CDK19: variants seen among roughly 807,000 people sequenced by gnomAD.
CDK19 encodes the protein cyclin dependent kinase 19.
CDK19 carries 20 observed loss-of-function variants against 68.3 expected under a neutral mutation model. The observed-to-expected ratio is 0.29, with a 90% CI of 0.21 to 0.43. The LOEUF (loss-of-function observed/expected upper bound fraction) is 0.43. Among genes scored for constraint, CDK19 ranks in the 20% least tolerant of loss-of-function variants. The pLI is 1.00. For missense variants in CDK19, 339 were observed against 623.5 expected (o/e 0.54, Z 4.86); for synonymous variants, 221 against 222.8 (o/e 0.99, Z 0.07).
At chr6:110,769,380 C>G (rs917744651) in intron 1 of CDK19, among the ~76,000 whole-genome samples, 1 of 151,320 alleles carries the variant, frequency 6.6e-6, no homozygotes, top group South Asian at 2.1e-4. Context: ...GCCTGGCCAC[C>G]ATGGTGAAAC....
At chr6:110,646,797 G>C (rs1780621624) in intron 4 of CDK19, among the ~76,000 whole-genome samples, 1 of 151,982 alleles carries the variant, frequency 6.6e-6, no homozygotes, top group African/African-American at 2.4e-5. Flanking sequence ...GTGGGGTGGC[G>C]GGCAAACCTT....
chr6:110,795,994 A>G (rs1781911842), intron 1 of CDK19, among the ~76,000 whole-genome samples: 1 of 152,228 alleles, frequency 6.6e-6, no homozygotes, highest in African/African-American at 2.4e-5. Flanking sequence ...ATAATTAGGT[A>G]AAGTAATTTA....
chr6:110,753,692 A>G, intron 1 of CDK19, among the ~76,000 whole-genome samples: 1 of 151,968 alleles, frequency 6.6e-6, no homozygotes, highest in African/African-American at 2.4e-5. Flanking sequence ...GGCTTAGAAT[A>G]ATGTTTTAAT....
At chr6:110,741,625 C>G (rs1001033830) in intron 2 of CDK19, among the ~76,000 whole-genome samples, 2 of 151,236 alleles carry the variant, frequency 1.3e-5, no homozygotes, top group East Asian at 3.9e-4. Flanking sequence ...ACTGTCAAAG[C>G]CAAAGACAAA....
At chr6:110,696,823 G>A (rs1215917497) in intron 2 of CDK19, among the ~76,000 whole-genome samples, 2 of 152,140 alleles carry the variant, frequency 1.3e-5, no homozygotes, top group African/African-American at 4.8e-5. Flanking sequence ...TTGGGAGGCT[G>A]AGGGTGGGGC....
intron 5 of CDK19, among the ~76,000 whole-genome samples, chr6:110,636,600 T>G (rs879862133): frequency 1.3e-5 from 2 of 152,134 alleles, no homozygotes; most frequent in African/African-American, 4.8e-5. Flanking sequence ...TTTGGTAAAG[T>G]AGAGGTCACA....
chr6:110,731,764 A>C (rs1035340230), intron 2 of CDK19, among the ~76,000 whole-genome samples: 3 of 152,180 alleles, frequency 2.0e-5, no homozygotes, highest in Admixed American at 2.0e-4. Context: ...AAACCATTCA[A>C]TCTATCCTAT....
intron 2 of CDK19, among the ~76,000 whole-genome samples, chr6:110,700,193 T>C (rs971849086): frequency 6.6e-6 from 1 of 152,222 alleles, no homozygotes; most frequent in Non-Finnish European, 1.5e-5. Context: ...GATAGAATCA[T>C]CTTGTTGCAG....
At chr6:110,720,731 G>C (rs1775803783) in intron 2 of CDK19, among the ~76,000 whole-genome samples, 1 of 151,890 alleles carries the variant, frequency 6.6e-6, no homozygotes, top group Non-Finnish European at 1.5e-5. Context: ...GCAGGGTGTG[G>C]TGGTGCACAC....
intron 1 of CDK19, chr6:110,813,060 T>A (rs1190819069): frequency 6.6e-6 from 1 of 151,390 alleles, no homozygotes; most frequent in African/African-American, 2.4e-5. Flanking sequence ...TTTTTTTTTT[T>A]AGAAAAAAAG....
Position 110,815,400 on chromosome 6 carries a change from C to A in CDK19, c.-264G>T. 6.1e-6 allele frequency: 2 copies of A among 326,770 alleles called. No individual in the cohort carries two copies. The highest frequency in any genetic ancestry group is 9.1e-5 in the South Asian group (1 of 10,984). 20.2% of individuals were successfully genotyped at this position (326,770 alleles called of 1,614,324 possible). A position where few individuals can be genotyped will look rare whatever the true frequency, so the allele number is the denominator to read the frequency against. On this transcript the variant is annotated 5_prime_UTR_variant, in exon 1 of 13. The change creates a premature stop within an existing upstream ORF in the 5' untranslated region. Coordinates refer to ENST00000368911, the MANE Select transcript of CDK19 (RefSeq NM_015076.5). ...CAGGCACCCCCAGTCCCGCCTCCCTCCTTCATTTCCTTGTTTTGGAACCTG... is the reference window on the plus strand; with the variant it reads ...CAGGCACCCCCAGTCCCGCCTCCCTACTTCATTTCCTTGTTTTGGAACCTG...
At chr6:110,804,791 TA>T (rs1390654567) in intron 1 of CDK19, among the ~76,000 whole-genome samples, 1 of 151,030 alleles carries the variant, frequency 6.6e-6, no homozygotes, top group African/African-American at 2.4e-5. Context: ...CCGTCGCTAC[TA>T]AAAATACAAA....
Position 110,626,817 on chromosome 6 carries a change from C to T in CDK19, c.819G>A (p.Met273Ile). 6.3e-7 allele frequency: 1 copy of T among 1,581,202 alleles called. No individual in the cohort carries two copies. Among genetic ancestry groups the T allele is most frequent in the Non-Finnish European group, 8.6e-7 (1 of 1,158,574 alleles). The change falls in exon 8 of 13, where the codon ATG (methionine) becomes ATA (isoleucine). Residue 273 changes from methionine (M) to isoleucine (I), a missense_variant. By Grantham distance (10) the Met-to-Ile change is conservative. This residue lies in a region of CDK19 where 63 missense variants were observed against 156.5 expected (regional missense o/e 0.40). Coordinates refer to ENST00000368911, the MANE Select transcript of CDK19 (RefSeq NM_015076.5). ...CTTTTTGAAGTGTGGGATATTCTGGCATCTTTCTAATATCTTCCCAGTCTT... is the reference window on the plus strand; with the variant it reads ...CTTTTTGAAGTGTGGGATATTCTGGTATCTTTCTAATATCTTCCCAGTCTT... ...ADKDWEDIRK[M>I]PEYPTLQKDF... is the part of the protein sequence containing the mutation.
intron 1 of CDK19, among the ~76,000 whole-genome samples, chr6:110,808,611 TA>T (rs991490253): frequency 5.9e-5 from 9 of 152,224 alleles, no homozygotes; most frequent in Admixed American, 6.5e-5. Context: ...TAATTTCCCT[TA>T]GGCCTCAAAA....
At position 110,799,144 on chromosome 6, in the gene CDK19, TAAAAAAAAA is replaced by T. The variant is rs369106433; in HGVS notation, c.128+15856_128+15864del. 2.6e-4 allele frequency among the ~76,000 whole-genome samples: 13 copies of T among 49,138 alleles called. 1 individual carries two copies. The East Asian group carries it at 8.3e-3, about 31-fold the overall frequency. The allele number at this position is 49,138 out of a possible 152,430, so 32.2% of individuals were successfully genotyped here. ...GGTGTTAAGAGTAAAACCCTGTATT[TAAAAAAAAA>T]AAAAAAAAAAAAAAAAATTCCTCAT... is the stretch of plus-strand genomic sequence containing the variant. On this transcript the variant is annotated intron_variant, in intron 1 of 12. Coordinates refer to ENST00000368911, the MANE Select transcript of CDK19 (RefSeq NM_015076.5).
Position 110,651,898 on chromosome 6 carries a change from T to TAATAAATA in CDK19, c.457-13200_457-13193dup, listed in dbSNP as rs1232069881. On this transcript the variant is annotated intron_variant, in intron 4 of 12. Coordinates refer to ENST00000368911, the MANE Select transcript of CDK19 (RefSeq NM_015076.5). Reference sequence around the variant, plus strand: ...TAGCTTCTTCAGTCTAAGAAAGAAATAATAAATAAATAAATAAAGCAAGCA... The same window carrying TAATAAATA: ...TAGCTTCTTCAGTCTAAGAAAGAAATAATAAATAAATAAATAAATAAATAAAGCAAGCA... Among the ~76,000 whole-genome samples, 4 of 151,882 alleles carry TAATAAATA rather than the reference T, an allele frequency of 2.6e-5. No individual in the cohort carries two copies. The East Asian group carries it at 7.7e-4, about 29-fold the overall frequency.
At chr6:110,675,071 T>C (rs2114476765) in intron 2 of CDK19, among the ~76,000 whole-genome samples, 1 of 152,240 alleles carries the variant, frequency 6.6e-6, no homozygotes, top group East Asian at 1.9e-4. Flanking sequence ...AAGTGCAAGG[T>C]GATACAGCAA....
At chr6:110,691,468 C>T (rs965254597) in intron 2 of CDK19, among the ~76,000 whole-genome samples, 26 of 149,596 alleles carry the variant, frequency 1.7e-4, no homozygotes, top group Admixed American at 1.5e-3. Flanking sequence ...TGCAAGACTC[C>T]GTCTCAAAAA....
chr6:110,619,355 T>C (rs1222560557), intron 12 of CDK19, among the ~76,000 whole-genome samples: 2 of 152,194 alleles, frequency 1.3e-5, no homozygotes, highest in Non-Finnish European at 2.9e-5. Flanking sequence ...CAGGCTGCTC[T>C]CAGGCAGTCA....
Sources: gnomAD v4.1 joint callset for allele counts (sites outside exome capture counted in the v4.1 genomes callset) on GRCh38, gnomAD v4.1.1 for gene constraint, gnomAD v4.1.1 regional missense constraint, MANE v1.5 for transcripts, NCBI Gene and HGNC (gene_info 2026-07-23, HGNC 2026-07-21) for gene names.